CSMD1: variants seen among roughly 807,000 people sequenced by gnomAD.
CSMD1 encodes the protein CUB and Sushi multiple domains 1.
Under a neutral mutation model 417.5 loss-of-function variants are expected in CSMD1, and 213 were observed. The observed-to-expected ratio is 0.51, with a 90% CI of 0.46 to 0.57. The LOEUF (loss-of-function observed/expected upper bound fraction) is 0.57. Ranked by LOEUF, CSMD1 falls within the 20% of genes least tolerant of loss-of-function variation. CSMD1 has a pLI of 0.00. For synonymous variants in CSMD1, 2,862 were observed against 1,736.8 expected, an observed-to-expected ratio of 1.65 and a Z score of -16.11; for missense variants, 6,923 against 4,529.7, an observed-to-expected ratio of 1.53 and a Z score of -15.17.
At chr8:4,125,638 C>A (rs529984766) in intron 3 of CSMD1, among the ~76,000 whole-genome samples, 135 of 152,300 alleles carry the variant, frequency 8.9e-4, no homozygotes, top group African/African-American at 3.2e-3. Context: ...AGAAATCAGA[C>A]CTAACCAACT....
intron 2 of CSMD1, among the ~76,000 whole-genome samples, chr8:4,449,162 T>C (rs1056563581): frequency 2.6e-5 from 4 of 152,202 alleles, no homozygotes; most frequent in Non-Finnish European, 4.4e-5. Context: ...TTTAGCAATA[T>C]AGATCACTCA....
At chr8:4,242,561 T>C (rs1459564946) in intron 3 of CSMD1, among the ~76,000 whole-genome samples, 1 of 152,346 alleles carries the variant, frequency 6.6e-6, no homozygotes, top group South Asian at 2.1e-4. Flanking sequence ...GTAAGTTGTC[T>C]TGAAAAAACT....
rs1815966653 is a variant in CSMD1 at position 3,454,414 on chromosome 8, TC to T, written c.1561+14297del. Among the ~76,000 whole-genome samples the T allele has an allele frequency of 2.0e-5, 3 of 152,336 alleles. No homozygotes were observed. In the South Asian group the frequency reaches 6.2e-4, roughly 32 times the overall value. On this transcript the variant is annotated intron_variant, in intron 12 of 69. Transcript: ENST00000635120. ...GGCAGTTTCTTCCTAGCATCAATGGTCTTCACAATTTGGCATGTTTTTGCAG... is the reference window on the plus strand; with the variant it reads ...GGCAGTTTCTTCCTAGCATCAATGGTTTCACAATTTGGCATGTTTTTGCAG...
chr8:4,646,366 T>G (rs1803514713), intron 1 of CSMD1, among the ~76,000 whole-genome samples: 1 of 152,240 alleles, frequency 6.6e-6, no homozygotes, highest in Non-Finnish European at 1.5e-5. Flanking sequence ...TCATGCTATG[T>G]ATTACTCTTG....
chr8:3,378,058 G>A (rs372077010), intron 18 of CSMD1, among the ~76,000 whole-genome samples: 7 of 152,280 alleles, frequency 4.6e-5, no homozygotes, highest in African/African-American at 1.4e-4. Context: ...TTTAAATAAT[G>A]CAACATGTAA....
chr8:3,933,833 G>A (rs961323554), intron 5 of CSMD1, among the ~76,000 whole-genome samples: 2 of 152,042 alleles, frequency 1.3e-5, no homozygotes, highest in African/African-American at 4.8e-5. Context: ...AGTCCAACAT[G>A]GACATACTGC....
At chr8:4,687,570 A>G (rs1444756303) in intron 1 of CSMD1, among the ~76,000 whole-genome samples, 1 of 152,162 alleles carries the variant, frequency 6.6e-6, no homozygotes, top group African/African-American at 2.4e-5. Flanking sequence ...ATTTTATAGG[A>G]GCATCACAAG....
chr8:4,061,193 T>A (rs1224441639), intron 3 of CSMD1, among the ~76,000 whole-genome samples: 2 of 152,206 alleles, frequency 1.3e-5, no homozygotes, highest in Non-Finnish European at 2.9e-5. Flanking sequence ...AGTTCTAACA[T>A]GAGCCCTTTT....
rs541107580 is a variant in CSMD1, at chr8:4,450,494, G to C, written c.303-30429C>G. 7.9e-5 allele frequency among the ~76,000 whole-genome samples: 12 copies of C among 152,184 alleles called. No homozygotes were observed. The South Asian group carries it at 2.5e-3, about 32-fold the overall frequency. The stretch of plus-strand genomic sequence containing the variant: ...TACAAAATTGACAAAAATTATCTGC[G>C]TGTGGTGGTGCGGGCCTGTAGTGCC... On this transcript the variant is annotated intron_variant, in intron 2 of 69. Coordinates refer to ENST00000635120, the MANE Select transcript of CSMD1 (RefSeq NM_033225.6).
chr8:3,289,476 C>G lies in CSMD1; in HGVS notation c.3951-5130G>C, dbSNP rs540365102. 6.6e-4 allele frequency among the ~76,000 whole-genome samples: 98 copies of G among 147,622 alleles called. 5 individuals carry two copies. Among genetic ancestry groups the G allele is most frequent in the Admixed American group, 2.0e-3 (30 of 15,042 alleles). On this transcript the variant is annotated intron_variant, in intron 25 of 69. Coordinates refer to ENST00000635120, the MANE Select transcript of CSMD1 (RefSeq NM_033225.6). The stretch of plus-strand genomic sequence containing the variant: ...AAGTGTTCCTATTTCTCCATATCCT[C>G]TCCAGCACCTGTTTTTTCCTGACTT...
In CSMD1 at chr8:3,320,443, C is replaced by G. The variant is rs559500171; in HGVS notation, c.3632-11940G>C. On this transcript the variant is annotated intron_variant, in intron 23 of 69. Transcript: ENST00000635120. ...ATGAAAACACGATAAGCTCCTCGTA[C>G]AAGTAAAATCCATGTAAATATAAGG... is the stretch of plus-strand genomic sequence containing the variant. Among the ~76,000 whole-genome samples, 148 of 152,266 alleles carry G rather than the reference C, an allele frequency of 9.7e-4. 2 individuals are homozygous for G. The highest frequency in any genetic ancestry group is 3.4e-3 in the African/African-American group (140 of 41,554).
chr8:3,886,042 T>TAC (rs1180915600), intron 5 of CSMD1, among the ~76,000 whole-genome samples: 2 of 151,884 alleles, frequency 1.3e-5, no homozygotes, highest in African/African-American at 4.8e-5. Flanking sequence ...TATATATATA[T>TAC]ACAGACACAT....
chr8:3,680,318 G>T (rs576062783), intron 7 of CSMD1, among the ~76,000 whole-genome samples: 8 of 151,980 alleles, frequency 5.3e-5, no homozygotes, highest in East Asian at 1.9e-4. Context: ...AAAGAGAGAA[G>T]AATCAAATAG....
intron 2 of CSMD1, among the ~76,000 whole-genome samples, chr8:4,475,714 G>A (rs887311772): frequency 6.6e-6 from 1 of 151,696 alleles, no homozygotes; most frequent in Non-Finnish European, 1.5e-5. Context: ...CTGGGTTCAA[G>A]GGATTCTCCT....
At chr8:3,614,793 C>T (rs1219464051) in intron 8 of CSMD1, among the ~76,000 whole-genome samples, 1 of 152,116 alleles carries the variant, frequency 6.6e-6, no homozygotes, top group Non-Finnish European at 1.5e-5. Context: ...ACTGAGGATG[C>T]AAAGATAAGA....
At chr8:4,518,228 G>A (rs1003156254) in intron 2 of CSMD1, among the ~76,000 whole-genome samples, 2 of 151,956 alleles carry the variant, frequency 1.3e-5, no homozygotes, top group Admixed American at 6.6e-5. Context: ...TCATAAATCT[G>A]GCCTTTTCAT....
At chr8:3,021,196 C>G (rs768784035) in intron 51 of CSMD1, among the ~76,000 whole-genome samples, 10 of 152,166 alleles carry the variant, frequency 6.6e-5, no homozygotes, top group Non-Finnish European at 1.3e-4. Context: ...ATTGTTGAAG[C>G]CTCTGTTAAA....
At chr8:3,382,552 T>C (rs1810703944) in intron 18 of CSMD1, among the ~76,000 whole-genome samples, 1 of 103,094 alleles carries the variant, frequency 9.7e-6, no homozygotes, top group South Asian at 2.7e-4. Flanking sequence ...TTATTAGCAT[T>C]ATGTCTTTCT....
At chr8:2,977,083 T>G (rs1047534068) in intron 55 of CSMD1, among the ~76,000 whole-genome samples, 1 of 152,096 alleles carries the variant, frequency 6.6e-6, no homozygotes, top group African/African-American at 2.4e-5. Context: ...AAAAAAAGAT[T>G]TAATAACAAC....
Sources: allele counts gnomAD v4.1 joint callset (sites outside exome capture counted in the v4.1 genomes callset), GRCh38; gene constraint gnomAD v4.1.1; transcripts MANE v1.5; gene names NCBI Gene and HGNC (gene_info 2026-07-23, HGNC 2026-07-21).